Variants in NRG1 observed in about 807,000 individuals in gnomAD.
The protein encoded by NRG1 is neuregulin 1.
In NRG1, 18 loss-of-function variants were observed where a neutral mutation model predicts 63.8. The observed-to-expected ratio is 0.28, with a 90% CI of 0.19 to 0.42. The LOEUF (loss-of-function observed/expected upper bound fraction) is 0.42, where lower values mean the gene tolerates loss of function less well. Among genes scored for constraint, NRG1 ranks in the 10% least tolerant of loss-of-function variants. The pLI, the probability that NRG1 is intolerant of heterozygous loss-of-function variation, is 1.00. For synonymous variants in NRG1, 302 were observed against 301.3 expected, an observed-to-expected ratio of 1.00 and a Z score of -0.02; for missense variants, 762 against 814.7, an observed-to-expected ratio of 0.94 and a Z score of 0.79.
At chr8:31,857,770 A>G (rs934474377) in intron 1 of NRG1, among the ~76,000 whole-genome samples, 1 of 152,224 alleles carries the variant, frequency 6.6e-6, no homozygotes, top group Non-Finnish European at 1.5e-5. Context: ...ATGTTAGATA[A>G]AAAGCAAATT....
chr8:32,295,615 G>A lies in NRG1; in HGVS notation c.38-300213G>A, dbSNP rs1323563139. On this transcript the variant is annotated intron_variant, in intron 1 of 10. Transcript: ENST00000519301. ...AGACATTTCCTATGATGGCATTTTG[G>A]TCTTTCTATCTCCAGGGAAGTCAAG... Among the ~76,000 whole-genome samples, 3 of 152,030 alleles carry A rather than the reference G, an allele frequency of 2.0e-5. No homozygotes were observed. The East Asian group carries it at 5.8e-4, about 30-fold the overall frequency.
chr8:32,758,140 C>T (rs1183936296), intron 9 of NRG1, among the ~76,000 whole-genome samples: 1 of 152,176 alleles, frequency 6.6e-6, no homozygotes, highest in Non-Finnish European at 1.5e-5. Context: ...CTTATTTCAT[C>T]AAAGAGTATT....
At chr8:32,564,908 C>G (rs922755005) in intron 1 of NRG1, among the ~76,000 whole-genome samples, 21 of 151,478 alleles carry the variant, frequency 1.4e-4, no homozygotes, top group African/African-American at 5.1e-4. Context: ...CTCCCCACTA[C>G]CAAAAAAAAA....
At chr8:32,432,083 T>A (rs562839985) in intron 1 of NRG1, among the ~76,000 whole-genome samples, 2 of 152,318 alleles carry the variant, frequency 1.3e-5, no homozygotes, top group East Asian at 3.9e-4. Context: ...TGTAGAATTT[T>A]CCTGTTAAAC....
intron 1 of NRG1, among the ~76,000 whole-genome samples, chr8:31,845,616 A>G (rs917144146): frequency 4.6e-5 from 7 of 151,568 alleles, no homozygotes; most frequent in Non-Finnish European, 1.0e-4. Context: ...GTTTTTTTTT[A>G]CATAAAAGTT....
chr8:32,334,882 G>T (rs777444805), intron 1 of NRG1, among the ~76,000 whole-genome samples: 1 of 152,162 alleles, frequency 6.6e-6, no homozygotes, highest in East Asian at 1.9e-4. Flanking sequence ...GCAAATCTCC[G>T]TAGCAGGTTG....
chr8:31,912,566 CTTTTTTTT>C (rs3052846), intron 1 of NRG1, among the ~76,000 whole-genome samples: 10 of 105,628 alleles, frequency 9.5e-5, no homozygotes, highest in African/African-American at 2.9e-4. Flanking sequence ...TTTAGAAATG[CTTTTTTTT>C]TTTTTTTTTT....
intron 1 of NRG1, among the ~76,000 whole-genome samples, chr8:31,991,996 C>T (rs544320924): frequency 1.8e-4 from 27 of 151,724 alleles, no homozygotes; most frequent in East Asian, 1.4e-3. Context: ...CATCCAAGGG[C>T]GTCTAAATGT....
intron 1 of NRG1, among the ~76,000 whole-genome samples, chr8:32,049,694 A>G (rs1022271908): frequency 6.6e-6 from 1 of 152,154 alleles, no homozygotes; most frequent in African/African-American, 2.4e-5. Context: ...ACATCAGAGG[A>G]AACAAATTTA....
intron 1 of NRG1, among the ~76,000 whole-genome samples, chr8:32,148,559 C>G (rs764514443): frequency 6.6e-6 from 1 of 152,116 alleles, no homozygotes; most frequent in Non-Finnish European, 1.5e-5. Flanking sequence ...CCACCACGCC[C>G]GGCTAATTTT....
At chr8:31,851,635 T>A (rs548061938) in intron 1 of NRG1, among the ~76,000 whole-genome samples, 1 of 152,146 alleles carries the variant, frequency 6.6e-6, no homozygotes, top group South Asian at 2.1e-4. Flanking sequence ...TACTTTAAGT[T>A]TTAGGGTACA....
At chr8:32,716,798 G>A (rs891795481) in intron 5 of NRG1, among the ~76,000 whole-genome samples, 1 of 132,492 alleles carries the variant, frequency 7.5e-6, no homozygotes, top group Middle Eastern at 3.8e-3. Context: ...GCGTGCGTGT[G>A]TGCATGTGTG....
At chr8:32,340,345 G>C (rs2129478259) in intron 1 of NRG1, among the ~76,000 whole-genome samples, 2 of 152,238 alleles carry the variant, frequency 1.3e-5, no homozygotes, top group Admixed American at 1.3e-4. Flanking sequence ...AAATTGAAAA[G>C]GGTTAGCACC....
At chr8:31,936,572 A>G (rs2129620464) in intron 1 of NRG1, among the ~76,000 whole-genome samples, 1 of 152,332 alleles carries the variant, frequency 6.6e-6, no homozygotes, top group East Asian at 1.9e-4. Context: ...TTTCTGATTT[A>G]CATAATTTCC....
In NRG1 at chr8:32,030,074, A is replaced by G. The variant is rs188352051; in HGVS notation, c.37+390643A>G. The stretch of plus-strand genomic sequence containing the variant: ...TTACAATAATTTAATAGGTTTCACA[A>G]TCATCATTACTTATTATAGTTTATA... On this transcript the variant is annotated intron_variant, in intron 1 of 10. Coordinates refer to the NRG1 transcript ENST00000519301. Among the ~76,000 whole-genome samples the G allele has an allele frequency of 5.5e-3, 832 of 152,312 alleles. 4 individuals are homozygous for G. Among genetic ancestry groups the G allele is most frequent in the Non-Finnish European group, 8.5e-3 (578 of 68,020 alleles).
In NRG1 at chr8:32,239,935, G is replaced by T. The variant is rs919369286; in HGVS notation, c.38-355893G>T. 3.3e-5 allele frequency among the ~76,000 whole-genome samples: 5 copies of T among 152,242 alleles called. No homozygotes were observed. The East Asian group carries it at 9.6e-4, about 29-fold the overall frequency. On this transcript the variant is annotated intron_variant, in intron 1 of 10. Coordinates refer to the NRG1 transcript ENST00000519301. ...TTGCTGGAGAGGATGTGGAGAAACT[G>T]GATCACTCATACATTGTTGATGGAA...
chr8:31,947,712 G>C (rs1157064190), intron 1 of NRG1, among the ~76,000 whole-genome samples: 2 of 151,974 alleles, frequency 1.3e-5, no homozygotes, highest in African/African-American at 4.8e-5. Context: ...AGGAGGCCAA[G>C]GCAGGTGGAT....
intron 1 of NRG1, among the ~76,000 whole-genome samples, chr8:32,230,783 G>GTGACATTT (rs1846843629): frequency 6.6e-6 from 1 of 151,262 alleles, no homozygotes; most frequent in South Asian, 2.1e-4. Flanking sequence ...TGGGGTACAT[G>GTGACATTT]TGAAATTTTG....
At chr8:32,490,950 C>CTTTT (rs1711859484) in intron 1 of NRG1, among the ~76,000 whole-genome samples, 1 of 152,080 alleles carries the variant, frequency 6.6e-6, no homozygotes, top group Non-Finnish European at 1.5e-5. Context: ...TTTCTTGGTA[C>CTTTT]TTTTGGTCAT....
Sources: gnomAD v4.1 joint callset for allele counts (sites outside exome capture counted in the v4.1 genomes callset) on GRCh38, gnomAD v4.1.1 for gene constraint, MANE v1.5 for transcripts, NCBI Gene and HGNC (gene_info 2026-07-23, HGNC 2026-07-21) for gene names.